The following SCFD2 variants were observed in gnomAD, a reference collection of about 807,000 sequenced individuals.
SCFD2 encodes sec1 family domain-containing protein 2.
Under a neutral mutation model 58.9 loss-of-function variants are expected in SCFD2, and 54 were observed. The ratio of observed to expected loss-of-function variants is 0.92; its 90% CI spans 0.74 to 1.15. The LOEUF is 1.15. Among genes scored for constraint, SCFD2 ranks in the 50% most tolerant of loss-of-function variants. SCFD2 has a pLI of 0.00. For synonymous variants in SCFD2, 321 were observed against 335.9 expected (o/e 0.96, Z 0.49); for missense variants, 805 against 836.6 (o/e 0.96, Z 0.47).
chr4:52,964,689 G>GACACAC (rs148501809), intron 5 of SCFD2, among the ~76,000 whole-genome samples: 37 of 149,290 alleles, frequency 2.5e-4, no homozygotes, highest in African/African-American at 5.2e-4. Context: ...AAATGTGAGG[G>GACACAC]ACACACACAC....
intron 4 of SCFD2, among the ~76,000 whole-genome samples, chr4:53,157,335 T>C (rs1279169581): frequency 1.3e-5 from 2 of 152,106 alleles, no homozygotes; most frequent in African/African-American, 4.8e-5. Context: ...ATTGATAGGG[T>C]TTCCAATGCC....
intron 7 of SCFD2, among the ~76,000 whole-genome samples, chr4:52,894,139 C>T (rs1322129612): frequency 6.6e-6 from 1 of 152,120 alleles, no homozygotes; most frequent in Admixed American, 6.5e-5. Flanking sequence ...AAACAAGGGA[C>T]CCAGAGGTAA....
chr4:53,309,395 G>C (rs1732618319), intron 3 of SCFD2, among the ~76,000 whole-genome samples: 1 of 152,192 alleles, frequency 6.6e-6, no homozygotes, highest in South Asian at 2.1e-4. Flanking sequence ...CCAGAACTAG[G>C]AGAGCAAATT....
At chr4:52,989,969 C>A (rs1199212617) in intron 5 of SCFD2, among the ~76,000 whole-genome samples, 2 of 152,204 alleles carry the variant, frequency 1.3e-5, no homozygotes, top group African/African-American at 4.8e-5. Context: ...ATCCTTCATG[C>A]CTCCTTCAAC....
At chr4:53,066,257 A>G (rs151229288) in intron 5 of SCFD2, among the ~76,000 whole-genome samples, 2 of 152,268 alleles carry the variant, frequency 1.3e-5, no homozygotes, top group East Asian at 3.9e-4. Flanking sequence ...GCTTGCATAT[A>G]AAATCAAACC....
At chr4:52,968,687 G>A (rs1490374222) in intron 5 of SCFD2, among the ~76,000 whole-genome samples, 1 of 152,176 alleles carries the variant, frequency 6.6e-6, no homozygotes, top group African/African-American at 2.4e-5. Flanking sequence ...GACAGAATTG[G>A]ACAGGTATGA....
At chr4:53,095,595 G>A (rs1047919922) in intron 5 of SCFD2, among the ~76,000 whole-genome samples, 2 of 152,004 alleles carry the variant, frequency 1.3e-5, no homozygotes, top group African/African-American at 4.8e-5. Context: ...AAAAATGTAT[G>A]ACAGATAATT....
At chr4:53,330,680 GCAT>G (rs1364753102) in intron 2 of SCFD2, among the ~76,000 whole-genome samples, 7 of 151,770 alleles carry the variant, frequency 4.6e-5, no homozygotes, top group African/African-American at 1.7e-4. Context: ...GGAAGAAACT[GCAT>G]CAACTAACGA....
At chr4:52,951,305 C>CATAT (rs1720587406) in intron 5 of SCFD2, among the ~76,000 whole-genome samples, 1 of 152,102 alleles carries the variant, frequency 6.6e-6, no homozygotes, top group Admixed American at 6.5e-5. Flanking sequence ...GGCTAAGACA[C>CATAT]GGAGAAGCAT....
intron 3 of SCFD2, among the ~76,000 whole-genome samples, chr4:53,292,807 C>T (rs1731886093): frequency 6.6e-6 from 1 of 152,062 alleles, no homozygotes; most frequent in Non-Finnish European, 1.5e-5. Context: ...AACCAAATGT[C>T]CATCAATGGT....
intron 7 of SCFD2, among the ~76,000 whole-genome samples, chr4:52,895,256 G>A (rs1044315537): frequency 3.3e-5 from 5 of 151,932 alleles, no homozygotes; most frequent in Non-Finnish European, 7.4e-5. Context: ...GTGCCATGTG[G>A]GTGTGCTGCA....
chr4:53,024,377 C>T (rs1013110805), intron 5 of SCFD2, among the ~76,000 whole-genome samples: 4 of 152,044 alleles, frequency 2.6e-5, no homozygotes, highest in African/African-American at 9.7e-5. Flanking sequence ...AGATTTAAAG[C>T]CCTGTTTTTA....
intron 1 of SCFD2, among the ~76,000 whole-genome samples, chr4:53,354,315 G>A (rs577542697): frequency 6.6e-6 from 1 of 152,242 alleles, no homozygotes; most frequent in African/African-American, 2.4e-5. Context: ...ACCCTCTGCA[G>A]CTGCTGGCCC....
intron 4 of SCFD2, among the ~76,000 whole-genome samples, chr4:53,249,823 C>T (rs1385010818): frequency 4.6e-5 from 7 of 152,334 alleles, no homozygotes; most frequent in Admixed American, 3.3e-4. Context: ...AAAGGAACAA[C>T]CGGTACCAGC....
At chr4:52,897,505 GC>G (rs1719054004) in intron 7 of SCFD2, among the ~76,000 whole-genome samples, 1 of 152,340 alleles carries the variant, frequency 6.6e-6, no homozygotes, top group Non-Finnish European at 1.5e-5. Context: ...CAGGGATGAA[GC>G]CCAGTTGATC....
intron 2 of SCFD2, among the ~76,000 whole-genome samples, chr4:53,339,586 A>G: frequency 6.6e-6 from 1 of 152,250 alleles, no homozygotes; most frequent in East Asian, 1.9e-4. Flanking sequence ...CCTGGCCAAC[A>G]TGGTGAAACC....
chr4:53,021,405 C>T (rs1722346074), intron 5 of SCFD2, among the ~76,000 whole-genome samples: 1 of 152,046 alleles, frequency 6.6e-6, no homozygotes, highest in African/African-American at 2.4e-5. Flanking sequence ...ATAATTTATT[C>T]CTGTAGGTTT....
chr4:53,120,156 A>G (rs1198040139), intron 5 of SCFD2, among the ~76,000 whole-genome samples: 1 of 152,232 alleles, frequency 6.6e-6, no homozygotes, highest in Admixed American at 6.5e-5. Flanking sequence ...TACCTTAAAT[A>G]CACACAGTTT....
chr4:53,204,510 C>T (rs1176649895), intron 4 of SCFD2, among the ~76,000 whole-genome samples: 4 of 149,294 alleles, frequency 2.7e-5, no homozygotes, highest in African/African-American at 7.4e-5. Context: ...GAGACTATCT[C>T]CCAGAGGAAG....
Sources: allele counts gnomAD v4.1 joint callset (sites outside exome capture counted in the v4.1 genomes callset), GRCh38; gene constraint gnomAD v4.1.1; transcripts MANE v1.5; gene names NCBI Gene and HGNC (gene_info 2026-07-23, HGNC 2026-07-21).